GUCY2C: variants seen among roughly 807,000 people sequenced by gnomAD.
GUCY2C encodes the protein guanylate cyclase 2C.
A neutral mutation model predicts 131.1 loss-of-function variants in GUCY2C; 118 were observed. The ratio of observed to expected loss-of-function variants is 0.90; its 90% CI spans 0.78 to 1.05. The LOEUF (loss-of-function observed/expected upper bound fraction) is 1.05. GUCY2C is among the 50% of genes least tolerant of loss of function. The probability of loss-of-function intolerance (pLI) is 0.00; values close to 1 mark genes in which losing one functional copy is unlikely to be tolerated. For synonymous variants in GUCY2C, 452 were observed against 457.8 expected (o/e 0.99, Z 0.16); for missense variants, 1,161 against 1,304.4 (o/e 0.89, Z 1.69).
At chr12:14,643,067 C>T (rs34763474) in intron 17 of GUCY2C, among the ~76,000 whole-genome samples, 16,942 of 152,102 alleles carry the variant, frequency 0.11, 1,415 homozygotes, top group South Asian at 0.32. Context: ...TTTTTTGACT[C>T]TCACCACAAT....
chr12:14,656,850 C>T (rs910677421), intron 11 of GUCY2C, among the ~76,000 whole-genome samples: 9 of 152,176 alleles, frequency 5.9e-5, no homozygotes, highest in South Asian at 2.1e-4. Context: ...TTTGACACCA[C>T]GGACTGGTTT....
intron 22 of GUCY2C, 76 bp from the exon 23 acceptor site, chr12:14,621,292 T>C (rs1365547585): frequency 7.1e-6 from 9 of 1,269,790 alleles, no homozygotes; most frequent in Admixed American, 3.9e-5. Context: ...GTTAATCACA[T>C]GTCAAACACA....
intron 12 of GUCY2C, among the ~76,000 whole-genome samples, chr12:14,654,768 C>T (rs1592116876): frequency 6.6e-6 from 1 of 152,060 alleles, no homozygotes; most frequent in African/African-American, 2.4e-5. Context: ...AGAGGTGGAG[C>T]GTGTGGGAGC....
chr12:14,632,196 T>C (rs982339983), intron 19 of GUCY2C, among the ~76,000 whole-genome samples: 4 of 152,080 alleles, frequency 2.6e-5, no homozygotes, highest in African/African-American at 9.7e-5. Flanking sequence ...ACTCTGATGG[T>C]AGTTTCTTTT....
At chr12:14,650,825 C>A (rs1393231355) in intron 15 of GUCY2C, among the ~76,000 whole-genome samples, 1 of 152,120 alleles carries the variant, frequency 6.6e-6, no homozygotes, top group African/African-American at 2.4e-5. Context: ...CATGAAATAA[C>A]TTTTAAAAGA....
chr12:14,620,948 T>G, intron 23 of GUCY2C, 94 bp downstream of exon 23: 2 of 941,378 alleles, frequency 2.1e-6, no homozygotes, highest in Non-Finnish European at 3.2e-6. Context: ...TTATGTGAGG[T>G]CGATCACACT....
At chr12:14,614,170 C>G (rs529227721) in intron 26 of GUCY2C, among the ~76,000 whole-genome samples, 1 of 152,192 alleles carries the variant, frequency 6.6e-6, no homozygotes, top group Non-Finnish European at 1.5e-5. Flanking sequence ...CTTCTGTTCT[C>G]CCGAGCAAGC....
rs995972253 is a variant in GUCY2C, at chr12:14,628,729, T to C, written c.2166A>G (p.Leu722=). ...CTTCCTCCCAACAGTTTTTTACAAG[T>C]AGGTACACCTGGAAGAAAAAAAAAC... The part of the protein sequence containing the change: ...TAEEKELEVY[L]LVKNCWEEDP... Residue 722 remains leucine, a synonymous_variant, in exon 20 of 27, where the codon CTA becomes CTG. Transcript: ENST00000261170. 9 of 1,562,754 alleles carry C rather than the reference T, an allele frequency of 5.8e-6. No homozygotes were observed. Among genetic ancestry groups the C allele is most frequent in the South Asian group, 1.1e-5 (1 of 89,734 alleles).
chr12:14,676,637 C>T (rs1386106630), intron 7 of GUCY2C, among the ~76,000 whole-genome samples: 1 of 152,164 alleles, frequency 6.6e-6, no homozygotes, highest in African/African-American at 2.4e-5. Context: ...TATAGTCTAG[C>T]AGAGTGACCT....
intron 24 of GUCY2C, 101 bp downstream of exon 24, chr12:14,619,109 CA>C (rs1946840975): frequency 7.6e-6 from 5 of 661,864 alleles, no homozygotes; most frequent in Admixed American, 2.5e-5. Context: ...TTCTACATCT[CA>C]CTGGCACTTT....
At chr12:14,669,125 A>G (rs1948045895) in intron 10 of GUCY2C, among the ~76,000 whole-genome samples, 1 of 152,124 alleles carries the variant, frequency 6.6e-6, no homozygotes, top group Admixed American at 6.6e-5. Context: ...GGAATAATTT[A>G]TGTCAAATGG....
At chr12:14,666,454 G>A (rs1450973242) in intron 10 of GUCY2C, among the ~76,000 whole-genome samples, 4 of 152,220 alleles carry the variant, frequency 2.6e-5, no homozygotes, top group Non-Finnish European at 5.9e-5. Flanking sequence ...AAAATGCCTG[G>A]CTGGGCGCCG....
At chr12:14,653,975 G>A (rs1319560287) in intron 12 of GUCY2C, among the ~76,000 whole-genome samples, 2 of 152,134 alleles carry the variant, frequency 1.3e-5, no homozygotes, top group African/African-American at 2.4e-5. Context: ...TATTATTTCA[G>A]ACCTTGATGA....
Position 14,669,736 on chromosome 12 carries a change from T to A in GUCY2C, c.1268A>T (p.Asp423Val), listed in dbSNP as rs748939303. The change falls in exon 10 of 27, where the codon GAT (aspartate) becomes GTT (valine). Residue 423 changes from aspartate (D) to valine (V), a missense_variant. Physicochemically the swap from Asp to Val is radical, Grantham distance 152. Transcript: ENST00000261170. ...GGATATCTTACCCCGGCCTGTAATA[T>A]CATTAGGAAGTTTAGAGTTCTTCCA... ...FTWKNSKLPN[D>V]ITGRGPQILM... 7.7e-6 allele frequency: 12 copies of A among 1,559,302 alleles called. No homozygotes were observed. In the Admixed American group the frequency reaches 2.1e-4, roughly 27 times the overall value.
intron 1 of GUCY2C, among the ~76,000 whole-genome samples, chr12:14,688,661 A>G (rs1258482083): frequency 6.6e-6 from 1 of 152,232 alleles, no homozygotes; most frequent in African/African-American, 2.4e-5. Flanking sequence ...ATGATACAGC[A>G]TTGAACAAAA....
At chr12:14,621,014 C>T (rs1300027301) in intron 23 of GUCY2C, 28 bp downstream of exon 23, 3 of 1,597,502 alleles carry the variant, frequency 1.9e-6, no homozygotes, top group Middle Eastern at 1.7e-4. Flanking sequence ...ATATGGTTCC[C>T]AATTTGCTAA....
At position 14,613,138 on chromosome 12, in the gene GUCY2C, G is replaced by T. The variant is rs759831615; in HGVS notation, c.3201C>A (p.Asp1067Glu). ...AGGTTTAAAAATAGGTGCTCTCCTT[G>T]TCTGTGGTATTCAGCTGCAAGTATT... is the stretch of plus-strand genomic sequence containing the variant. ...TLEYLQLNTT[D>E]KESTYF Residue 1067 changes from aspartate (D) to glutamate (E), a missense_variant, in exon 27 of 27, where the codon GAC becomes GAA. Physicochemically the swap from Asp to Glu is conservative, Grantham distance 45 (BLOSUM62 2). Coordinates refer to ENST00000261170, the MANE Select transcript of GUCY2C (RefSeq NM_004963.4). This position sits in a 1 kb window ranked among gnomAD's most constrained non-coding sequence, Gnocchi z 4.9. 3.5e-5 allele frequency: 56 copies of T among 1,613,246 alleles called. No individual in the cohort carries two copies. Among genetic ancestry groups the T allele is most frequent in the Non-Finnish European group, 4.7e-5 (56 of 1,179,472 alleles).
intron 6 of GUCY2C, among the ~76,000 whole-genome samples, chr12:14,677,496 T>C (rs926814435): frequency 1.7e-4 from 26 of 152,212 alleles, no homozygotes; most frequent in African/African-American, 6.0e-4. Flanking sequence ...CCTGGCACAT[T>C]GTAGACTCTC....
rs1262993777 is a variant in GUCY2C at position 14,652,095 on chromosome 12, CAGTT to C, written c.1534-69_1534-66del. On this transcript the variant is annotated intron_variant, in intron 13 of 26. Transcript: ENST00000261170. ...GTAACTCTTTACATGCATATTATAA[CAGTT>C]TGTTTGTGTGTCTCACTAGACTATA... The C allele has an allele frequency of 1.4e-5, 12 of 857,362 alleles. No homozygotes were observed. In the African/African-American group the frequency reaches 1.7e-4, roughly 12 times the overall value. 53.1% of individuals were successfully genotyped at this position (857,362 alleles called of 1,614,324 possible). A position where few individuals can be genotyped will look rare whatever the true frequency, so the allele number is the denominator to read the frequency against.
Sources: gnomAD v4.1 joint callset for allele counts (sites outside exome capture counted in the v4.1 genomes callset) on GRCh38, gnomAD v4.1.1 for gene constraint, Gnocchi (gnomAD v3.1) non-coding constraint, MANE v1.5 for transcripts, NCBI Gene and HGNC (gene_info 2026-07-23, HGNC 2026-07-21) for gene names.